The following SGF29 variants were observed in gnomAD, a reference collection of about 807,000 sequenced individuals.
SGF29 encodes the protein SAGA-associated factor 29.
Under a neutral mutation model 38.1 loss-of-function variants are expected in SGF29, and 15 were observed. The observed-to-expected ratio is 0.39, with a 90% CI of 0.26 to 0.61. SGF29 has a LOEUF of 0.61. Ranked by LOEUF, SGF29 falls within the 20% of genes least tolerant of loss-of-function variation. SGF29 has a pLI of 0.49. For missense variants in SGF29, 184 were observed against 394.6 expected, an observed-to-expected ratio of 0.47 and a Z score of 4.52; for synonymous variants, 151 against 160.8, an observed-to-expected ratio of 0.94 and a Z score of 0.46.
intron 1 of SGF29, among the ~76,000 whole-genome samples, chr16:28,560,553 C>T (rs890055318): frequency 6.7e-6 from 1 of 148,238 alleles, no homozygotes; most frequent in Non-Finnish European, 1.5e-5. Context: ...TACACCATTG[C>T]ACTCCAGCCT....
chr16:28,578,770 G>A (rs1045696315), intron 1 of SGF29, among the ~76,000 whole-genome samples: 2 of 150,830 alleles, frequency 1.3e-5, no homozygotes, highest in Admixed American at 6.6e-5. Flanking sequence ...GTGAAACCCC[G>A]TCTCTACTAA....
At chr16:28,560,743 C>T (rs900393513) in intron 1 of SGF29, among the ~76,000 whole-genome samples, 3 of 151,934 alleles carry the variant, frequency 2.0e-5, no homozygotes, top group Non-Finnish European at 2.9e-5. Context: ...AGGCGGATCA[C>T]GAGGTCAGCA....
chr16:28,569,035 C>G (rs914217184), intron 1 of SGF29, among the ~76,000 whole-genome samples: 2 of 152,160 alleles, frequency 1.3e-5, no homozygotes, highest in African/African-American at 4.8e-5. Flanking sequence ...TTGCAGTGAG[C>G]CGAGATCACA....
At chr16:28,557,762 T>C (rs900940625) in intron 1 of SGF29, among the ~76,000 whole-genome samples, 1 of 152,112 alleles carries the variant, frequency 6.6e-6, no homozygotes, top group Admixed American at 6.6e-5. Flanking sequence ...CTCAATGGAT[T>C]GATTGGTGTT....
intron 1 of SGF29, among the ~76,000 whole-genome samples, chr16:28,565,757 G>A (rs1220379138): frequency 6.6e-6 from 1 of 151,838 alleles, no homozygotes; most frequent in East Asian, 2.0e-4. Flanking sequence ...AAAGTGCTGG[G>A]ATTACAGACG....
At chr16:28,567,985 G>A (rs1857670811) in intron 1 of SGF29, among the ~76,000 whole-genome samples, 1 of 151,946 alleles carries the variant, frequency 6.6e-6, no homozygotes, top group African/African-American at 2.4e-5. Context: ...GATTTTTAAA[G>A]GCAAAAGGGA....
At chr16:28,574,734 A>G (rs747936085) in intron 1 of SGF29, among the ~76,000 whole-genome samples, 3 of 152,134 alleles carry the variant, frequency 2.0e-5, no homozygotes, top group Non-Finnish European at 4.4e-5. Context: ...TTTCTTTGTT[A>G]TGGCTCACTG....
At chr16:28,554,681 G>A (rs2046736382) in intron 1 of SGF29, among the ~76,000 whole-genome samples, 1 of 151,948 alleles carries the variant, frequency 6.6e-6, no homozygotes, top group East Asian at 1.9e-4. Flanking sequence ...CCTCCTCCTC[G>A]GCTCCGGTTT....
chr16:28,574,282 T>C (rs2151647954), intron 1 of SGF29, among the ~76,000 whole-genome samples: 1 of 152,286 alleles, frequency 6.6e-6, no homozygotes, highest in East Asian at 1.9e-4. Context: ...GGCTGGCCCT[T>C]TTCCCATGAT....
rs2046725978 is a variant in SGF29, at chr16:28,553,981, C to G, written c.-132C>G. ...AGCGTGTGCGGTTCTCGACGTGCCG[C>G]CAATCTTCGAACGCAGGTCTGTGAT... On this transcript the variant is annotated 5_prime_UTR_variant, in exon 1 of 10. Transcript: ENST00000317058. 1.3e-5 allele frequency: 2 copies of G among 152,288 alleles called. No individual in the cohort carries two copies. Among genetic ancestry groups the G allele is most frequent in the African/African-American group, 4.8e-5 (2 of 41,454 alleles). 9.4% of individuals were successfully genotyped at this position (152,288 alleles called of 1,614,324 possible).
chr16:28,588,130 C>G (rs1174242765), intron 4 of SGF29, among the ~76,000 whole-genome samples: 1 of 152,094 alleles, frequency 6.6e-6, no homozygotes, highest in African/African-American at 2.4e-5. Context: ...GGGAAGATTC[C>G]CTGAGCTTTA....
In SGF29 at chr16:28,580,729, C is replaced by T. The variant is rs563057704; in HGVS notation, c.-15-326C>T. Among the ~76,000 whole-genome samples, 4 of 152,330 alleles carry T rather than the reference C, an allele frequency of 2.6e-5. No homozygotes were observed. In the East Asian group the frequency reaches 7.7e-4, roughly 29 times the overall value. On this transcript the variant is annotated intron_variant, in intron 1 of 9. Coordinates refer to ENST00000317058, the MANE Select transcript of SGF29 (RefSeq NM_138414.3). ...ATAGGGTGTCACACTGTCATGTAGG[C>T]TGGAGTGCAATGGCACGATCGTAGC...
At chr16:28,564,616 CAT>C (rs1325012296) in intron 1 of SGF29, among the ~76,000 whole-genome samples, 1 of 108,316 alleles carries the variant, frequency 9.2e-6, no homozygotes, top group Non-Finnish European at 1.9e-5. Flanking sequence ...TATATATATA[CAT>C]ATATGCATAT....
chr16:28,554,708 G>A (rs2046736782), intron 1 of SGF29, among the ~76,000 whole-genome samples: 1 of 152,088 alleles, frequency 6.6e-6, no homozygotes, highest in South Asian at 2.1e-4. Flanking sequence ...AAAGGCCTTA[G>A]TCTACCCTCA....
intron 4 of SGF29, chr16:28,588,574 T>A (rs2046968484): frequency 2.3e-6 from 1 of 432,862 alleles, no homozygotes; most frequent in Non-Finnish European, 4.5e-6. Context: ...AGTTTTCTTT[T>A]TTTTTTTGAA....
At chr16:28,564,583 A>G (rs1391460660) in intron 1 of SGF29, among the ~76,000 whole-genome samples, 1,753 of 129,512 alleles carry the variant, frequency 0.014, 36 homozygotes, top group Non-Finnish European at 0.025. Context: ...ATATACACGT[A>G]TATATATACA....
At position 28,589,260 on chromosome 16, in the gene SGF29, C is replaced by G. The variant is rs2046972900; in HGVS notation, c.289+96C>G. The G allele has an allele frequency of 2.4e-6, 3 of 1,239,390 alleles. 1 individual carries two copies. Among genetic ancestry groups the G allele is most frequent in the Admixed American group, 3.6e-5 (2 of 56,104 alleles). 76.8% of individuals were successfully genotyped at this position (1,239,390 alleles called of 1,614,324 possible). On this transcript the variant is annotated intron_variant, in intron 5 of 9. Coordinates refer to ENST00000317058, the MANE Select transcript of SGF29 (RefSeq NM_138414.3). Reference sequence around the variant, plus strand: ...CCCTCCTGTGGGGGCCTGTGGCCACCACCTGCTGGCATCCTCCCATGGAGG... The same window carrying G: ...CCCTCCTGTGGGGGCCTGTGGCCACGACCTGCTGGCATCCTCCCATGGAGG...
At chr16:28,565,528 C>T (rs183177266) in intron 1 of SGF29, among the ~76,000 whole-genome samples, 142 of 152,096 alleles carry the variant, frequency 9.3e-4, no homozygotes, top group African/African-American at 3.1e-3. Flanking sequence ...GACGGAGTCT[C>T]GCTCTGTCAC....
intron 1 of SGF29, among the ~76,000 whole-genome samples, chr16:28,558,694 C>A (rs1471145788): frequency 1.3e-5 from 2 of 152,128 alleles, no homozygotes; most frequent in Non-Finnish European, 2.9e-5. Context: ...CGACATCTAT[C>A]CATAGAATGG....
Sources: allele counts gnomAD v4.1 joint callset (sites outside exome capture counted in the v4.1 genomes callset), GRCh38; gene constraint gnomAD v4.1.1; transcripts MANE v1.5; gene names NCBI Gene and HGNC (gene_info 2026-07-23, HGNC 2026-07-21).